The following GOLGA8J variants were observed in gnomAD, a reference collection of about 807,000 sequenced individuals.
GOLGA8J encodes golgin A8 family member J, also known as golgin subfamily A member 8J.
GOLGA8J carries 19 observed loss-of-function variants against 67.7 expected under a neutral mutation model. The ratio of observed to expected loss-of-function variants is 0.28; its 90% confidence interval spans 0.20 to 0.41. GOLGA8J has a LOEUF of 0.41. GOLGA8J is among the 10% of genes least tolerant of loss of function. The probability of loss-of-function intolerance (pLI) is 1.00; values close to 1 mark genes in which losing one functional copy is unlikely to be tolerated. For missense variants in GOLGA8J, 205 were observed against 584.3 expected (o/e 0.35, Z 6.69); for synonymous variants, 69 against 215.9 (o/e 0.32, Z 5.97).
chr15:30,090,764 C>A (rs1391816045), intron 13 of GOLGA8J, among the ~76,000 whole-genome samples: 20 of 122,718 alleles, frequency 1.6e-4, no homozygotes, highest in Non-Finnish European at 2.4e-4. Flanking sequence ...GGCTGAGGCA[C>A]GAGAATTGCT....
At chr15:30,090,426 T>C in intron 13 of GOLGA8J, 146 bp downstream of exon 13, 1 of 1,515,012 alleles carries the variant, frequency 6.6e-7, no homozygotes, top group Non-Finnish European at 8.8e-7. Flanking sequence ...CTGTGACTGT[T>C]TCTTGCTTCC....
chr15:30,094,258 C>T lies in GOLGA8J; in HGVS notation c.*759C>T, dbSNP rs2057446359. ...TTAGGATTTGTATGTGCTCTGGGCT[C>T]ATGAAGATACTGCATCATGAGCTGC... On this transcript the variant is annotated 3_prime_UTR_variant, in exon 19 of 19. Transcript: ENST00000567927. 6.9e-6 allele frequency among the ~76,000 whole-genome samples: 1 copy of T among 145,576 alleles called. No individual in the cohort carries two copies. Among genetic ancestry groups the T allele is most frequent in the South Asian group, 2.1e-4 (1 of 4,700 alleles).
rs2057448422 is a variant in GOLGA8J, at chr15:30,094,432, G to C, written c.*933G>C. Among the ~76,000 whole-genome samples the C allele has an allele frequency of 6.9e-6, 1 of 144,748 alleles. No homozygotes were observed. Among genetic ancestry groups the C allele is most frequent in the African/African-American group, 2.8e-5 (1 of 35,906 alleles). The allele number at this position is 144,748 out of a possible 152,430, so 95.0% of individuals were successfully genotyped here. On this transcript the variant is annotated 3_prime_UTR_variant, in exon 19 of 19. Coordinates refer to ENST00000567927, the MANE Select transcript of GOLGA8J (RefSeq NM_001282472.2). ...TTTAAAGTCAGAGTTCATGTTACCTGTTTTAATCACATGACTACATGTCCC... is the reference window on the plus strand; with the variant it reads ...TTTAAAGTCAGAGTTCATGTTACCTCTTTTAATCACATGACTACATGTCCC...
chr15:30,094,750 TA>T lies in GOLGA8J; in HGVS notation c.*1257del, dbSNP rs1233192589. ...CTTTTTCTTTGAATGGAAAACACTTTAAAAAATAATAGAAACATTATTATAA... is the reference window on the plus strand; with the variant it reads ...CTTTTTCTTTGAATGGAAAACACTTTAAAAATAATAGAAACATTATTATAA... On this transcript the variant is annotated 3_prime_UTR_variant, in exon 19 of 19. Coordinates refer to ENST00000567927, the MANE Select transcript of GOLGA8J (RefSeq NM_001282472.2). 7.8e-6 allele frequency among the ~76,000 whole-genome samples: 1 copy of T among 127,906 alleles called. No homozygotes were observed. The highest frequency in any genetic ancestry group is 4.6e-5 in the African/African-American group (1 of 21,814). 83.9% of individuals were successfully genotyped at this position (127,906 alleles called of 152,430 possible). A position where few individuals can be genotyped will look rare whatever the true frequency, so the allele number is the denominator to read the frequency against.
rs142043683 is a variant in GOLGA8J, at chr15:30,092,018, G to C, written c.1277-24G>C. The stretch of plus-strand genomic sequence containing the variant: ...TACCTCCCTTGTTGGGTTGTCTGAA[G>C]ACCCGTCTGACCACCCCCCACAGGA... On this transcript the variant is annotated intron_variant, in intron 14 of 18. Transcript: ENST00000567927. 5.0e-6 allele frequency: 8 copies of C among 1,597,450 alleles called. No homozygotes were observed. The South Asian group carries it at 8.9e-5, about 18-fold the overall frequency.
At position 30,090,393 on chromosome 15, in the gene GOLGA8J, C is replaced by A. The variant is rs576347069; in HGVS notation, c.1200+113C>A. 1.6e-3 allele frequency: 2,509 copies of A among 1,524,506 alleles called. 136 individuals are homozygous for A. Among genetic ancestry groups the A allele is most frequent in the Non-Finnish European group, 1.0e-3 (1,160 of 1,138,836 alleles). The allele number at this position is 1,524,506 out of a possible 1,614,324, so 94.4% of individuals were successfully genotyped here. ...CAGCTTCCAGCCTGGGGGCTGGTGA[C>A]CACAGCACCCCCCAGGGCAGTCCTG... is the stretch of plus-strand genomic sequence containing the variant. On this transcript the variant is annotated intron_variant, in intron 13 of 18. Transcript: ENST00000567927.
chr15:30,094,164 T>C lies in GOLGA8J; in HGVS notation c.*665T>C, dbSNP rs2057445212. On this transcript the variant is annotated 3_prime_UTR_variant, in exon 19 of 19. Transcript: ENST00000567927. ...GAGGAAAGTGGCCTCCTCTGGCAGG[T>C]ACGTGCAGGATAGAGTGTGTTTCAT... is the stretch of plus-strand genomic sequence containing the variant. Among the ~76,000 whole-genome samples, 1 of 145,154 alleles carries C rather than the reference T, an allele frequency of 6.9e-6. No individual in the cohort carries two copies. The highest frequency in any genetic ancestry group is 1.5e-5 in the Non-Finnish European group (1 of 67,436).
chr15:30,083,712 C>T, intron 1 of GOLGA8J: 1 of 238,690 alleles, frequency 4.2e-6, no homozygotes, highest in East Asian at 1.0e-4. Context: ...GGCCTTTGAT[C>T]TTACGACCCA....
chr15:30,092,031 A>G lies in GOLGA8J; in HGVS notation c.1277-11A>G. ...GGGTTGTCTGAAGACCCGTCTGACC[A>G]CCCCCCACAGGACACGGAGGAGAAC... On this transcript the variant is annotated splice_polypyrimidine_tract_variant and intron_variant, in intron 14 of 18. Coordinates refer to ENST00000567927, the MANE Select transcript of GOLGA8J (RefSeq NM_001282472.2). 6.3e-7 allele frequency: 1 copy of G among 1,597,268 alleles called. No homozygotes were observed. Among genetic ancestry groups the G allele is most frequent in the Non-Finnish European group, 8.5e-7 (1 of 1,173,746 alleles).
At chr15:30,084,954 T>C (rs1367594382) in intron 2 of GOLGA8J, 64 bp downstream of exon 2, 1 of 1,488,168 alleles carries the variant, frequency 6.7e-7, no homozygotes, top group African/African-American at 2.8e-5. Context: ...GGGTAATTGT[T>C]AAGATTGTGG....
Position 30,093,150 on chromosome 15 carries a change from A to G in GOLGA8J, c.1634A>G (p.Lys545Arg). ...AYSNYNNGHR[K>R]FLAAAHNSAD... ...AGCAACTACAACAATGGGCACAGAA[A>G]ATTCCTGGCCGCTGCCCACAACTCT... is the stretch of plus-strand genomic sequence containing the variant. Residue 545 changes from lysine to arginine, a missense_variant, in exon 18 of 19, where the codon AAA becomes AGA. Coordinates refer to ENST00000567927, the MANE Select transcript of GOLGA8J (RefSeq NM_001282472.2). 1 of 1,516,596 alleles carries G rather than the reference A, an allele frequency of 6.6e-7. No homozygotes were observed. The allele number at this position is 1,516,596 out of a possible 1,614,324, so 93.9% of individuals were successfully genotyped here.
At position 30,085,057 on chromosome 15, in the gene GOLGA8J, C is replaced by T. The variant is rs1321748548; in HGVS notation, c.168+167C>T. Among the ~76,000 whole-genome samples, 35 of 99,036 alleles carry T rather than the reference C, an allele frequency of 3.5e-4. 1 individual carries two copies. The highest frequency in any genetic ancestry group is 8.9e-4 in the Admixed American group (10 of 11,204). 65.0% of individuals were successfully genotyped at this position (99,036 alleles called of 152,430 possible). A position where few individuals can be genotyped will look rare whatever the true frequency, so the allele number is the denominator to read the frequency against. ...TAGCACTTTGGGAGGCCAAGGCAGG[C>T]GGATCATGAGGTCAGGAGATCGAGA... On this transcript the variant is annotated intron_variant, in intron 2 of 18. Transcript: ENST00000567927.
rs937283631 is a variant in GOLGA8J at position 30,094,863 on chromosome 15, A to G, written c.*1364A>G. Among the ~76,000 whole-genome samples, 2 of 139,670 alleles carry G rather than the reference A, an allele frequency of 1.4e-5. No individual in the cohort carries two copies. Among genetic ancestry groups the G allele is most frequent in the Admixed American group, 6.9e-5 (1 of 14,564 alleles). 91.6% of individuals were successfully genotyped at this position (139,670 alleles called of 152,430 possible). A position where few individuals can be genotyped will look rare whatever the true frequency, so the allele number is the denominator to read the frequency against. On this transcript the variant is annotated 3_prime_UTR_variant, in exon 19 of 19. Coordinates refer to ENST00000567927, the MANE Select transcript of GOLGA8J (RefSeq NM_001282472.2). ...CTCTTTGAAAATCAAGGAGAAGTTT[A>G]TGAAACTTAAAATGTGTACAAACTG...
chr15:30,092,031 A>AC lies in GOLGA8J; in HGVS notation c.1277-5dup, dbSNP rs2057410725. 1.9e-6 allele frequency: 3 copies of AC among 1,597,266 alleles called. 1 individual carries two copies. Among genetic ancestry groups the AC allele is most frequent in the Non-Finnish European group, 2.6e-6 (3 of 1,173,744 alleles). On this transcript the variant is annotated splice_polypyrimidine_tract_variant and intron_variant, in intron 14 of 18. Coordinates refer to ENST00000567927, the MANE Select transcript of GOLGA8J (RefSeq NM_001282472.2). ...GGGTTGTCTGAAGACCCGTCTGACC[A>AC]CCCCCCACAGGACACGGAGGAGAAC... is the stretch of plus-strand genomic sequence containing the variant.
At position 30,090,661 on chromosome 15, in the gene GOLGA8J, T is replaced by C. The variant is rs1235590011; in HGVS notation, c.1200+381T>C. 1.5e-4 allele frequency among the ~76,000 whole-genome samples: 14 copies of C among 92,800 alleles called. No individual in the cohort carries two copies. In the Admixed American group the frequency reaches 1.7e-3, roughly 11 times the overall value. 60.9% of individuals were successfully genotyped at this position (92,800 alleles called of 152,430 possible). The stretch of plus-strand genomic sequence containing the variant: ...TTTGAGATCAGCCTGGCCAATGTGG[T>C]AAAACCTCATCTCTACTAAAATTAC... On this transcript the variant is annotated intron_variant, in intron 13 of 18. Coordinates refer to ENST00000567927, the MANE Select transcript of GOLGA8J (RefSeq NM_001282472.2).
rs1206391773 is a variant in GOLGA8J at position 30,094,254 on chromosome 15, G to A, written c.*755G>A. Among the ~76,000 whole-genome samples, 1 of 145,016 alleles carries A rather than the reference G, an allele frequency of 6.9e-6. No homozygotes were observed. The highest frequency in any genetic ancestry group is 1.5e-5 in the Non-Finnish European group (1 of 67,410). The stretch of plus-strand genomic sequence containing the variant: ...TCCCTTAGGATTTGTATGTGCTCTG[G>A]GCTCATGAAGATACTGCATCATGAG... On this transcript the variant is annotated 3_prime_UTR_variant, in exon 19 of 19. Transcript: ENST00000567927.
At chr15:30,085,036 A>C (rs1457837630) in intron 2 of GOLGA8J, 146 bp downstream of exon 2, 1 of 478,566 alleles carries the variant, frequency 2.1e-6, no homozygotes, top group Non-Finnish European at 3.5e-6. Flanking sequence ...TAATCCTAGC[A>C]CTTTGGGAGG....
At chr15:30,091,330 G>T (rs1160637068) in intron 13 of GOLGA8J, among the ~76,000 whole-genome samples, 528 of 133,770 alleles carry the variant, frequency 3.9e-3, no homozygotes, top group Non-Finnish European at 5.3e-3. Flanking sequence ...GCTGACCTGT[G>T]AGAAGGAGGC....
In GOLGA8J at chr15:30,094,111, T is replaced by C. The variant is rs2057444709; in HGVS notation, c.*612T>C. ...TGTTGGTGATGGGAGTGATAACCTT[T>C]TGGGGGAGCTTTTTAAATCTCACAG... On this transcript the variant is annotated 3_prime_UTR_variant, in exon 19 of 19. Transcript: ENST00000567927. Among the ~76,000 whole-genome samples the C allele has an allele frequency of 6.8e-6, 1 of 146,968 alleles. No homozygotes were observed. Among genetic ancestry groups the C allele is most frequent in the African/African-American group, 2.6e-5 (1 of 37,848 alleles).
Sources: gnomAD v4.1 joint callset for allele counts (sites outside exome capture counted in the v4.1 genomes callset) on GRCh38, gnomAD v4.1.1 for gene constraint, MANE v1.5 for transcripts, NCBI Gene and HGNC (gene_info 2026-07-23, HGNC 2026-07-21) for gene names.